The following APCDD1 variants were observed in gnomAD, a reference collection of about 807,000 sequenced individuals.
APCDD1 encodes APC down-regulated 1, also known as protein APCDD1.
In APCDD1, 15 loss-of-function variants were observed where a neutral mutation model predicts 38.1. The observed-to-expected ratio is 0.39, with a 90% CI of 0.26 to 0.61. The LOEUF (loss-of-function observed/expected upper bound fraction) is 0.61, where lower values mean the gene tolerates loss of function less well. Ranked by LOEUF, APCDD1 falls within the 20% of genes least tolerant of loss-of-function variation. APCDD1 has a pLI of 0.49. For synonymous variants in APCDD1, 261 were observed against 279.7 expected (o/e 0.93, Z 0.67); for missense variants, 647 against 696.2 (o/e 0.93, Z 0.79).
chr18:10,488,548 C>T lies in APCDD1; in HGVS notation c.*510C>T, dbSNP rs1223893968. 1 of 158,652 alleles carries T rather than the reference C, an allele frequency of 6.3e-6. No individual in the cohort carries two copies. Among genetic ancestry groups the T allele is most frequent in the Non-Finnish European group, 1.4e-5 (1 of 72,356 alleles). The allele number at this position is 158,652 out of a possible 1,614,324, so 9.8% of individuals were successfully genotyped here. On this transcript the variant is annotated 3_prime_UTR_variant, in exon 5 of 5. Transcript: ENST00000355285. ...ACACCTTTTATTAATAAAGAAGAGA[C>T]ACAGGTGTAGATATGTATATACAAA... is the stretch of plus-strand genomic sequence containing the variant.
rs1250575575 is a variant in APCDD1, at chr18:10,471,573, A to G, written c.286A>G (p.Arg96Gly). ...CCCAGAGTTCATCACAAGGTCCTAC[A>G]GATTCTACCACAATAACACCTTCAA... ...SGPEFITRSYRFYHNNTFKAY... is the reference protein window; with the variant it reads ...SGPEFITRSYGFYHNNTFKAY... The change falls in exon 3 of 5, where the codon AGA (arginine) becomes GGA (glycine). Residue 96 changes from arginine (R) to glycine (G), a missense_variant. Arg to Gly is a moderately radical substitution (Grantham distance 125, BLOSUM62 -2). Transcript: ENST00000355285. This position sits in a 1 kb window ranked among gnomAD's most constrained non-coding sequence, Gnocchi z 5.5. The G allele has an allele frequency of 6.8e-6, 11 of 1,614,236 alleles. No individual in the cohort carries two copies. Among genetic ancestry groups the G allele is most frequent in the Non-Finnish European group, 9.3e-6 (11 of 1,180,044 alleles).
At chr18:10,487,552 C>A in intron 4 of APCDD1, 38 bp from the exon 5 acceptor site, 1 of 1,605,802 alleles carries the variant, frequency 6.2e-7, no homozygotes, top group African/African-American at 1.3e-5. Context: ...CCCACGCCTA[C>A]TCCCTGGAGT....
chr18:10,472,136 T>G lies in APCDD1; in HGVS notation c.774+75T>G. On this transcript the variant is annotated intron_variant, in intron 3 of 4. Coordinates refer to ENST00000355285, the MANE Select transcript of APCDD1 (RefSeq NM_153000.5). This position sits in a 1 kb window ranked among gnomAD's most constrained non-coding sequence, Gnocchi z 6.6. ...CTTCTTAAAGGCTTGCCATGGGGGCTCTAGGGCACCCTTGAAAGGGGGAAT... is the reference window on the plus strand; with the variant it reads ...CTTCTTAAAGGCTTGCCATGGGGGCGCTAGGGCACCCTTGAAAGGGGGAAT... The G allele has an allele frequency of 6.3e-7, 1 of 1,589,982 alleles. No homozygotes were observed. The highest frequency in any genetic ancestry group is 8.6e-7 in the Non-Finnish European group (1 of 1,162,738).
intron 1 of APCDD1, among the ~76,000 whole-genome samples, chr18:10,459,836 T>C (rs1369392262): frequency 7.1e-6 from 1 of 140,314 alleles, no homozygotes; most frequent in East Asian, 2.0e-4. Context: ...TCAGTCACAT[T>C]TTATGTATCA....
At chr18:10,459,254 C>T (rs1568000614) in intron 1 of APCDD1, among the ~76,000 whole-genome samples, 1 of 152,066 alleles carries the variant, frequency 6.6e-6, no homozygotes, top group Non-Finnish European at 1.5e-5. Context: ...AGCCCCAGAG[C>T]TGAGTGGATG....
intron 1 of APCDD1, among the ~76,000 whole-genome samples, chr18:10,455,996 C>T (rs1032705916): frequency 1.3e-5 from 2 of 152,220 alleles, no homozygotes; most frequent in Non-Finnish European, 2.9e-5. Flanking sequence ...CCCACCACAG[C>T]CACCCCAAAC....
In APCDD1 at chr18:10,467,794, C is replaced by T. The variant is rs1304824406; in HGVS notation, c.59-675C>T. On this transcript the variant is annotated intron_variant, in intron 1 of 4. Transcript: ENST00000355285. The surrounding 1 kb of genome is among the most constrained non-coding windows in gnomAD (Gnocchi z 4.8). ...CTATTGTAGGAGGGTGCAAGGTTCA[C>T]ACCACGTGGTGAGCAGCCCTGTAGA... Among the ~76,000 whole-genome samples the T allele has an allele frequency of 2.0e-5, 3 of 152,174 alleles. No homozygotes were observed. The highest frequency in any genetic ancestry group is 7.2e-5 in the African/African-American group (3 of 41,448).
intron 3 of APCDD1, among the ~76,000 whole-genome samples, chr18:10,479,319 A>C (rs1029288028): frequency 7.2e-5 from 11 of 152,200 alleles, no homozygotes; most frequent in African/African-American, 2.7e-4. Flanking sequence ...CAAAACTTTT[A>C]GCTCAAGGAA....
chr18:10,478,763 G>A (rs576632206), intron 3 of APCDD1, among the ~76,000 whole-genome samples: 39 of 152,212 alleles, frequency 2.6e-4, no homozygotes, highest in Admixed American at 1.8e-3. Flanking sequence ...AAGCCTGCCT[G>A]GGCAGTCTGT....
chr18:10,487,981 G>T lies in APCDD1; in HGVS notation c.1488G>T (p.Leu496=), dbSNP rs763054541. ...CCCCTGGGAGGCACACCTGGTCCCT[G>T]CTGCTGGCTGCACTTGCCTGCCTTG... is the stretch of plus-strand genomic sequence containing the variant. The part of the protein sequence containing the change: ...GRAPGRHTWS[L]LLAALACLVP... The change falls in exon 5 of 5, where the codon CTG becomes CTT. Residue 496 remains leucine (L), a synonymous_variant. Coordinates refer to ENST00000355285, the MANE Select transcript of APCDD1 (RefSeq NM_153000.5). 27 of 1,613,940 alleles carry T rather than the reference G, an allele frequency of 1.7e-5. No homozygotes were observed. Among genetic ancestry groups the T allele is most frequent in the Non-Finnish European group, 2.3e-5 (27 of 1,180,036 alleles).
intron 1 of APCDD1, among the ~76,000 whole-genome samples, chr18:10,457,591 T>A (rs184167585): frequency 6.6e-6 from 1 of 152,346 alleles, no homozygotes; most frequent in Admixed American, 6.5e-5. Context: ...AAGCATTTGT[T>A]CTATGGTGTT....
chr18:10,484,605 C>T (rs943389960), intron 3 of APCDD1, among the ~76,000 whole-genome samples: 1 of 152,210 alleles, frequency 6.6e-6, no homozygotes, highest in Non-Finnish European at 1.5e-5. Context: ...GCTCCTGCAA[C>T]CACCATTCCA....
At chr18:10,465,484 T>A (rs1465631229) in intron 1 of APCDD1, among the ~76,000 whole-genome samples, 2 of 152,204 alleles carry the variant, frequency 1.3e-5, no homozygotes, top group Non-Finnish European at 2.9e-5. Context: ...AATAGAGCAG[T>A]GGAGTGTTAA....
intron 1 of APCDD1, among the ~76,000 whole-genome samples, chr18:10,465,892 A>G (rs1598396056): frequency 6.6e-6 from 1 of 152,226 alleles, no homozygotes; most frequent in African/African-American, 2.4e-5. Context: ...CAAGTGGCAG[A>G]TCTAGTTTCA....
chr18:10,465,122 T>A (rs1043491081), intron 1 of APCDD1, among the ~76,000 whole-genome samples: 27 of 152,160 alleles, frequency 1.8e-4, no homozygotes, highest in Non-Finnish European at 1.0e-4. Context: ...GCTAATACTG[T>A]GTTTTAGTGA....
rs2030795260 is a variant in APCDD1, at chr18:10,469,332, G to A, written c.242+680G>A. Among the ~76,000 whole-genome samples the A allele has an allele frequency of 6.6e-6, 1 of 152,186 alleles. No individual in the cohort carries two copies. The highest frequency in any genetic ancestry group is 1.5e-5 in the Non-Finnish European group (1 of 68,038). ...GATAGCAGCCTTCAAGTTCCTTGGG[G>A]AGGGATCAGATGAATATGGAGAAGA... On this transcript the variant is annotated intron_variant, in intron 2 of 4. Transcript: ENST00000355285. The surrounding 1 kb of genome is among the most constrained non-coding windows in gnomAD (Gnocchi z 5.5).
Position 10,489,902 on chromosome 18 carries a change from A to G in APCDD1, c.*1864A>G, listed in dbSNP as rs2031333022. On this transcript the variant is annotated 3_prime_UTR_variant, in exon 5 of 5. Coordinates refer to ENST00000355285, the MANE Select transcript of APCDD1 (RefSeq NM_153000.5). ...ATGTCAAAATACTCTCAGAAATACA[A>G]CTGATACTATCTTTAAAAGACGTAA... 6.6e-6 allele frequency: 1 copy of G among 152,184 alleles called. No homozygotes were observed. The highest frequency in any genetic ancestry group is 1.5e-5 in the Non-Finnish European group (1 of 68,036). The allele number at this position is 152,184 out of a possible 1,614,324, so 9.4% of individuals were successfully genotyped here. A position where few individuals can be genotyped will look rare whatever the true frequency, so the allele number is the denominator to read the frequency against.
chr18:10,478,068 A>C lies in APCDD1; in HGVS notation c.774+6007A>C, dbSNP rs531365947. 3.3e-5 allele frequency among the ~76,000 whole-genome samples: 5 copies of C among 152,246 alleles called. No homozygotes were observed. In the South Asian group the frequency reaches 1.0e-3, roughly 32 times the overall value. On this transcript the variant is annotated intron_variant, in intron 3 of 4. Transcript: ENST00000355285. Reference sequence around the variant, plus strand: ...TTTCCAGAAGGCTAATGTTGCTCTTAAGGACCTACCAGCTGCCCCTGCTGA... The same window carrying C: ...TTTCCAGAAGGCTAATGTTGCTCTTCAGGACCTACCAGCTGCCCCTGCTGA...
At chr18:10,459,558 A>G (rs998444441) in intron 1 of APCDD1, among the ~76,000 whole-genome samples, 1 of 152,216 alleles carries the variant, frequency 6.6e-6, no homozygotes, top group Admixed American at 6.5e-5. Context: ...CGACTTTTAG[A>G]TATGAAGATT....
Sources: gnomAD v4.1 joint callset for allele counts (sites outside exome capture counted in the v4.1 genomes callset) on GRCh38, gnomAD v4.1.1 for gene constraint, Gnocchi (gnomAD v3.1) non-coding constraint, MANE v1.5 for transcripts, NCBI Gene and HGNC (gene_info 2026-07-23, HGNC 2026-07-21) for gene names.